RYR3: variants seen among roughly 807,000 people sequenced by gnomAD.
The protein encoded by RYR3 is ryanodine receptor 3.
In RYR3, 207 loss-of-function variants were observed where a neutral mutation model predicts 584.3. That is an observed-to-expected ratio of 0.35 (90% CI 0.32 to 0.40). The LOEUF is 0.40. Among genes scored for constraint, RYR3 ranks in the 10% least tolerant of loss-of-function variants. The pLI, the probability that RYR3 is intolerant of heterozygous loss-of-function variation, is 1.00. For synonymous variants in RYR3, 2,416 were observed against 2,248.5 expected (o/e 1.07, Z -2.11); for missense variants, 5,616 against 6,089.2 (o/e 0.92, Z 2.59).
chr15:33,807,050 G>A (rs1053532381), intron 69 of RYR3, among the ~76,000 whole-genome samples: 24 of 151,894 alleles, frequency 1.6e-4, no homozygotes, highest in Non-Finnish European at 2.6e-4. Flanking sequence ...TGTGGCCTAC[G>A]CTACCTTCTT....
At chr15:33,846,008 C>T (rs759114663) in intron 93 of RYR3, among the ~76,000 whole-genome samples, 2 of 152,234 alleles carry the variant, frequency 1.3e-5, no homozygotes, top group Non-Finnish European at 2.9e-5. Flanking sequence ...GCCAAGATGG[C>T]ACATTCCCAT....
At chr15:33,365,077 A>G (rs116922960) in intron 1 of RYR3, among the ~76,000 whole-genome samples, 3 of 152,284 alleles carry the variant, frequency 2.0e-5, no homozygotes, top group Non-Finnish European at 2.9e-5. Context: ...TAGGAGCATT[A>G]CCCAGAGGGC....
chr15:33,458,610 A>G (rs967806411), intron 1 of RYR3, among the ~76,000 whole-genome samples: 2 of 152,170 alleles, frequency 1.3e-5, no homozygotes, highest in African/African-American at 4.8e-5. Context: ...GTTCATTGTA[A>G]GTTCATGATT....
chr15:33,583,577 C>T (rs1171599025), intron 14 of RYR3, among the ~76,000 whole-genome samples: 2 of 152,152 alleles, frequency 1.3e-5, no homozygotes, highest in African/African-American at 4.8e-5. Flanking sequence ...ATAGCAGACT[C>T]TCTGGAAATA....
intron 32 of RYR3, 131 bp downstream of exon 32, chr15:33,653,014 A>G (rs933037448): frequency 2.5e-6 from 2 of 796,560 alleles, no homozygotes; most frequent in Non-Finnish European, 3.9e-6. Context: ...GCCATGGGCC[A>G]CTTAGGACAA....
chr15:33,547,200 A>G (rs1287598627), intron 8 of RYR3, among the ~76,000 whole-genome samples: 1 of 152,328 alleles, frequency 6.6e-6, no homozygotes, highest in East Asian at 1.9e-4. Context: ...AAGTTGAGAC[A>G]CATTTCACAA....
intron 1 of RYR3, among the ~76,000 whole-genome samples, chr15:33,433,605 A>T (rs1346131096): frequency 6.6e-6 from 1 of 152,226 alleles, no homozygotes; most frequent in Non-Finnish European, 1.5e-5. Context: ...GCTGATTTAT[A>T]TATTGACTGT....
chr15:33,346,071 A>T (rs1972425094), intron 1 of RYR3, among the ~76,000 whole-genome samples: 1 of 152,210 alleles, frequency 6.6e-6, no homozygotes, highest in Non-Finnish European at 1.5e-5. Flanking sequence ...TTAAACCATC[A>T]TTATATATAT....
intron 22 of RYR3, 76 bp downstream of exon 22, chr15:33,630,119 T>G (rs938363049): frequency 2.6e-6 from 2 of 777,200 alleles, no homozygotes; most frequent in African/African-American, 3.5e-5. Context: ...ACTGCAAAGA[T>G]ATGTCTCTTG....
chr15:33,818,559 T>C lies in RYR3; in HGVS notation c.10600-19T>C. The C allele has an allele frequency of 6.3e-7, 1 of 1,578,246 alleles. No homozygotes were observed. Among genetic ancestry groups the C allele is most frequent in the East Asian group, 2.2e-5 (1 of 44,728 alleles). ...AGATTAAATTCATGCCTAAAACCTA[T>C]CTGTGTTGGTTTGTGTAGAAATCTC... is the stretch of plus-strand genomic sequence containing the variant. On this transcript the variant is annotated intron_variant, in intron 75 of 103. Coordinates refer to ENST00000634891, the MANE Select transcript of RYR3 (RefSeq NM_001036.6).
intron 24 of RYR3, among the ~76,000 whole-genome samples, 155 bp downstream of exon 24, chr15:33,633,263 G>A (rs2061351736): frequency 6.6e-6 from 1 of 152,204 alleles, no homozygotes; most frequent in Admixed American, 6.5e-5. Flanking sequence ...GAATCATGGG[G>A]CTGGACAGAA....
At chr15:33,486,428 GT>G (rs1391102888) in intron 2 of RYR3, among the ~76,000 whole-genome samples, 1 of 152,062 alleles carries the variant, frequency 6.6e-6, no homozygotes, top group Admixed American at 6.6e-5. Flanking sequence ...ATAGCATTTT[GT>G]TGTTCGTATA....
chr15:33,730,394 C>T (rs2068848705), intron 47 of RYR3, among the ~76,000 whole-genome samples: 1 of 152,200 alleles, frequency 6.6e-6, no homozygotes, highest in African/African-American at 2.4e-5. Flanking sequence ...CTTTTGAAAA[C>T]TTATAATCTA....
At chr15:33,698,614 T>C (rs116231958) in intron 40 of RYR3, among the ~76,000 whole-genome samples, 210 of 151,318 alleles carry the variant, frequency 1.4e-3, no homozygotes, top group African/African-American at 4.7e-3. Context: ...TGTTGGAAAT[T>C]CCAGAGTGCC....
At chr15:33,820,909 C>T in intron 78 of RYR3, 97 bp downstream of exon 78, 1 of 536,774 alleles carries the variant, frequency 1.9e-6, no homozygotes, top group Non-Finnish European at 3.1e-6. Flanking sequence ...TGAGCATTTC[C>T]TGCATTCAGC....
At chr15:33,634,509 TGGGAATATGTGAATAGG>T in intron 24 of RYR3, 60 bp from the exon 25 acceptor site, 1 of 1,489,512 alleles carries the variant, frequency 6.7e-7, no homozygotes. Flanking sequence ...GGACTGTTGC[TGGGAATATGTGAATAGG>T]GTGAGCTGTG....
rs377444775 is a variant in RYR3 at position 33,632,855 on chromosome 15, C to T, written c.2868-94C>T. The T allele has an allele frequency of 1.0e-4, 108 of 1,056,290 alleles. 1 individual carries two copies. In the African/African-American group the frequency reaches 1.3e-3, roughly 13 times the overall value. The allele number at this position is 1,056,290 out of a possible 1,614,324, so 65.4% of individuals were successfully genotyped here. A position where few individuals can be genotyped will look rare whatever the true frequency, so the allele number is the denominator to read the frequency against. ...GGACCTGTGACTGTAGCCTTATTTG[C>T]GTAGCGTTCTTACCATGTGCTCTTG... On this transcript the variant is annotated intron_variant, in intron 23 of 103. Coordinates refer to ENST00000634891, the MANE Select transcript of RYR3 (RefSeq NM_001036.6).
At chr15:33,363,928 G>A (rs1281070220) in intron 1 of RYR3, among the ~76,000 whole-genome samples, 1 of 152,144 alleles carries the variant, frequency 6.6e-6, no homozygotes, top group Non-Finnish European at 1.5e-5. Flanking sequence ...AACTTTTTAA[G>A]TATGTTTGAA....
intron 27 of RYR3, among the ~76,000 whole-genome samples, chr15:33,640,269 G>C (rs899446336): frequency 6.6e-6 from 1 of 152,220 alleles, no homozygotes; most frequent in Non-Finnish European, 1.5e-5. Context: ...GATGGGTCTT[G>C]TGTTTCAGAA....
Sources: gnomAD v4.1 joint callset for allele counts (sites outside exome capture counted in the v4.1 genomes callset) on GRCh38, gnomAD v4.1.1 for gene constraint, MANE v1.5 for transcripts, NCBI Gene and HGNC (gene_info 2026-07-23, HGNC 2026-07-21) for gene names.